GLB1: variants seen among roughly 807,000 people sequenced by gnomAD.
GLB1 encodes galactosidase beta 1.
Under a neutral mutation model 74.0 loss-of-function variants are expected in GLB1, and 56 were observed. The ratio of observed to expected loss-of-function variants is 0.76; its 90% CI spans 0.61 to 0.94. The LOEUF is 0.94. Ranked by LOEUF, GLB1 falls within the 40% of genes least tolerant of loss-of-function variation. GLB1 has a pLI of 0.00. For missense variants in GLB1, 787 were observed against 845.5 expected (o/e 0.93, Z 0.86); for synonymous variants, 323 against 323.6 (o/e 1.00, Z 0.02).
intron 1 of GLB1, chr3:33,090,629 C>T (rs1474232571): frequency 1.0e-6 from 1 of 985,276 alleles, no homozygotes; most frequent in Non-Finnish European, 1.2e-6. Flanking sequence ...ACAAAAAGGT[C>T]CATGGTTTAA....
At chr3:32,962,568 G>T in the GLB1 span, among the ~76,000 whole-genome samples, 4 of 151,978 alleles carry the variant, frequency 2.6e-5, no homozygotes, top group Non-Finnish European at 4.4e-5. Flanking sequence ...ACACCCAAGA[G>T]AATTACCTGA....
At chr3:33,076,791 G>C (rs1303301423) in intron 1 of GLB1, among the ~76,000 whole-genome samples, 1 of 152,232 alleles carries the variant, frequency 6.6e-6, no homozygotes, top group Non-Finnish European at 1.5e-5. Flanking sequence ...GAGACTGCTA[G>C]AGTACCAACT....
chr3:33,018,497 G>C lies in GLB1; in HGVS notation c.1298C>G (p.Ser433Cys), dbSNP rs1697335473. 6.2e-7 allele frequency: 1 copy of C among 1,613,940 alleles called. No individual in the cohort carries two copies. Among genetic ancestry groups the C allele is most frequent in the African/African-American group, 1.3e-5 (1 of 74,862 alleles). ...ATCGTGGACTCCATTGAGGGGTGAA[G>C]AGAGAGGTGCTGGGTTGCTGCAATC... ...PQDCSNPAPL[S>C]SPLNGVHDRA... The change falls in exon 13 of 16, where the codon TCT becomes TGT. Residue 433 changes from serine to cysteine, a missense_variant. Ser to Cys is a moderately radical substitution (Grantham distance 112, BLOSUM62 -1). Transcript: ENST00000307363.
chr3:33,011,875 TC>T (rs1338911164), intron 15 of GLB1, among the ~76,000 whole-genome samples: 1 of 152,174 alleles, frequency 6.6e-6, no homozygotes, highest in African/African-American at 2.4e-5. Context: ...CTTACCCTGG[TC>T]TTCTCTATAG....
chr3:32,979,494 T>TA, the GLB1 span, among the ~76,000 whole-genome samples: 1 of 151,712 alleles, frequency 6.6e-6, no homozygotes, highest in Non-Finnish European at 1.5e-5. Flanking sequence ...TCTTCCACAT[T>TA]AAAAAAAATT....
At chr3:33,060,950 C>T (rs988558090) in intron 5 of GLB1, among the ~76,000 whole-genome samples, 7 of 151,940 alleles carry the variant, frequency 4.6e-5, no homozygotes, top group Admixed American at 4.6e-4. Flanking sequence ...GCAGCTAAGA[C>T]TCTACTCAAG....
At chr3:33,088,581 CT>C (rs965903230) in intron 1 of GLB1, among the ~76,000 whole-genome samples, 1 of 151,906 alleles carries the variant, frequency 6.6e-6, no homozygotes, top group Non-Finnish European at 1.5e-5. Flanking sequence ...ATAGGCCTAA[CT>C]AAGGTGAAAG....
At chr3:33,003,255 C>T (rs958066531) in intron 15 of GLB1, among the ~76,000 whole-genome samples, 1 of 152,188 alleles carries the variant, frequency 6.6e-6, no homozygotes, top group Non-Finnish European at 1.5e-5. Flanking sequence ...AATTCTTTTT[C>T]CTTCTCAACT....
At chr3:33,085,160 A>C (rs571790559) in intron 1 of GLB1, among the ~76,000 whole-genome samples, 33 of 151,794 alleles carry the variant, frequency 2.2e-4, no homozygotes, top group African/African-American at 8.0e-4. Context: ...TGTGGTCCCA[A>C]CTACTTGGGA....
At chr3:33,014,686 G>C (rs1333975304) in intron 14 of GLB1, among the ~76,000 whole-genome samples, 2 of 152,198 alleles carry the variant, frequency 1.3e-5, no homozygotes, top group Non-Finnish European at 2.9e-5. Flanking sequence ...AGAAAGATGG[G>C]CCAGGCGCAG....
Position 33,093,140 on chromosome 3 carries a change from G to C in GLB1, c.75+3871C>G, listed in dbSNP as rs1401217347. ...CTGGGCTGCAGCCCTCCAGGGCCTT[G>C]TCAAGATCCATGCCATGGCCAGAGT... On this transcript the variant is annotated intron_variant, in intron 1 of 15. Coordinates refer to ENST00000307363, the MANE Select transcript of GLB1 (RefSeq NM_000404.4). The surrounding 1 kb of genome is among the most constrained non-coding windows in gnomAD (Gnocchi z 6.0). 1 of 1,614,076 alleles carries C rather than the reference G, an allele frequency of 6.2e-7. No individual in the cohort carries two copies. The highest frequency in any genetic ancestry group is 8.5e-7 in the Non-Finnish European group (1 of 1,180,040).
At chr3:33,091,487 C>T in intron 1 of GLB1, 1 of 985,486 alleles carries the variant, frequency 1.0e-6, no homozygotes, top group Non-Finnish European at 1.2e-6. Context: ...TCCATGAATC[C>T]TCTGGGCACC....
chr3:33,018,757 A>C (rs904547441), intron 12 of GLB1, among the ~76,000 whole-genome samples, 196 bp from the exon 13 acceptor site: 2 of 152,192 alleles, frequency 1.3e-5, no homozygotes, highest in African/African-American at 4.8e-5. Context: ...TCATAATAGT[A>C]AACTGCAAGG....
chr3:33,008,162 G>C (rs1481694282), intron 15 of GLB1, among the ~76,000 whole-genome samples: 8 of 152,146 alleles, frequency 5.3e-5, no homozygotes, highest in African/African-American at 1.9e-4. Flanking sequence ...TTTTCCATTG[G>C]TCTCTACTGC....
At chr3:33,051,229 G>A (rs1486965582) in intron 9 of GLB1, among the ~76,000 whole-genome samples, 8 of 91,022 alleles carry the variant, frequency 8.8e-5, no homozygotes, top group South Asian at 3.9e-4. Context: ...GCGAGACTGC[G>A]TCTCAAAAAA....
intron 5 of GLB1, among the ~76,000 whole-genome samples, chr3:33,062,063 T>C (rs1215698614): frequency 6.6e-6 from 1 of 152,208 alleles, no homozygotes; most frequent in Non-Finnish European, 1.5e-5. Context: ...CATCTCAAAC[T>C]CTGAGCACTG....
chr3:33,087,579 GCACACACACACA>G (rs57935919), intron 1 of GLB1, among the ~76,000 whole-genome samples: 20,324 of 141,794 alleles, frequency 0.14, 1,881 homozygotes, highest in East Asian at 0.3. Flanking sequence ...CAGCATGCGC[GCACACACACACA>G]CACACACACA....
At chr3:33,074,373 G>GAAAGAAAGAAAGAAAGAAAGAAAGAAAGA (rs1559412887) in intron 1 of GLB1, among the ~76,000 whole-genome samples, 3 of 6,610 alleles carry the variant, frequency 4.5e-4, no homozygotes, top group African/African-American at 6.6e-4. Flanking sequence ...AGGAAGGAAG[G>GAAAGAAAGAAAGAAAGAAAGAAAGAAAGA]AAGGAAGGAA....
chr3:33,024,356 G>C (rs745763212), intron 10 of GLB1, 31 bp from the exon 11 acceptor site: 1 of 1,595,216 alleles, frequency 6.3e-7, no homozygotes, highest in East Asian at 2.2e-5. Context: ...AGAGAGAAAA[G>C]AAAAAAAGTT....
Sources: allele counts gnomAD v4.1 joint callset (sites outside exome capture counted in the v4.1 genomes callset), GRCh38; gene constraint gnomAD v4.1.1; non-coding constraint Gnocchi (gnomAD v3.1); transcripts MANE v1.5; gene names NCBI Gene and HGNC (gene_info 2026-07-23, HGNC 2026-07-21).